The following DGKZ variants were observed in gnomAD, a reference collection of about 807,000 sequenced individuals.
The protein encoded by DGKZ is diacylglycerol kinase zeta.
DGKZ carries 45 observed loss-of-function variants against 142.5 expected under a neutral mutation model. The ratio of observed to expected loss-of-function variants is 0.32; its 90% CI spans 0.25 to 0.40. DGKZ has a LOEUF of 0.40. DGKZ is among the 10% of genes least tolerant of loss of function. The pLI, the probability that DGKZ is intolerant of heterozygous loss-of-function variation, is 1.00. For synonymous variants in DGKZ, 442 were observed against 527.0 expected, an observed-to-expected ratio of 0.84 and a Z score of 2.21; for missense variants, 755 against 1,306.5, an observed-to-expected ratio of 0.58 and a Z score of 6.51.
intron 1 of DGKZ, chr11:46,361,558 G>C (rs1942653764): frequency 1.1e-6 from 1 of 869,836 alleles, no homozygotes; most frequent in African/African-American, 1.8e-5. Flanking sequence ...CAGGGAGGAG[G>C]GTGACAAGGG....
At position 46,373,109 on chromosome 11, in the gene DGKZ, G is replaced by T; in HGVS notation, c.1326+8G>T. ...GAAGGCGCCACCGACCGGGTAAGTT[G>T]GCCAGGGTTGGTGGGGGGCAGGGCA... is the stretch of plus-strand genomic sequence containing the variant. On this transcript the variant is annotated splice_region_variant and intron_variant, in intron 14 of 30. Transcript: ENST00000527911. 1 of 1,541,572 alleles carries T rather than the reference G, an allele frequency of 6.5e-7. No homozygotes were observed. Among genetic ancestry groups the T allele is most frequent in the Non-Finnish European group, 8.7e-7 (1 of 1,143,914 alleles).
At position 46,347,763 on chromosome 11, in the gene DGKZ, A is replaced by G. The variant is rs1312121640; in HGVS notation, c.104A>G (p.Lys35Arg). Residue 35 changes from lysine to arginine, a missense_variant, in exon 1 of 31, where the codon AAG becomes AGG. Physicochemically the swap from Lys to Arg is conservative, Grantham distance 26 (BLOSUM62 2). This residue lies in a region of DGKZ where 28 missense variants were observed against 92.8 expected (regional missense o/e 0.30). Transcript: ENST00000527911. The surrounding 1 kb of genome is among the most constrained non-coding windows in gnomAD (Gnocchi z 6.4). ...CGCGACGCCGGTCCCGAGCCGGACA[A>G]GGCGCCGCGGCGACTCAACAAGCGG... The G allele has an allele frequency of 4.9e-6, 7 of 1,426,722 alleles. No individual in the cohort carries two copies. Among genetic ancestry groups the G allele is most frequent in the Non-Finnish European group, 5.5e-6 (6 of 1,092,166 alleles). The allele number at this position is 1,426,722 out of a possible 1,614,324, so 88.4% of individuals were successfully genotyped here.
chr11:46,340,480 G>T (rs1182757416), intron 1 of DGKZ, among the ~76,000 whole-genome samples: 1 of 152,190 alleles, frequency 6.6e-6, no homozygotes, highest in Non-Finnish European at 1.5e-5. Flanking sequence ...AGGAAATTGG[G>T]AGGTGCCAAA....
chr11:46,376,798 G>T, intron 24 of DGKZ: 3 of 671,858 alleles, frequency 4.5e-6, no homozygotes, highest in Non-Finnish European at 7.5e-6. Context: ...GGCTTGCTGG[G>T]TGGGTAGGAG....
chr11:46,359,605 ATTTATTTATT>A (rs1461128806), intron 1 of DGKZ, among the ~76,000 whole-genome samples: 199 of 151,410 alleles, frequency 1.3e-3, no homozygotes, highest in African/African-American at 4.6e-3. Context: ...ATTTATTTAT[ATTTATTTATT>A]TATTTTGAGA....
Position 46,367,489 on chromosome 11 carries a change from G to T in DGKZ, c.270+90G>T. The stretch of plus-strand genomic sequence containing the variant: ...GTGGAGGCACTAAAGGCAGCTGGGA[G>T]AGCCAAGCCTGGAAGGGTTGGGACA... On this transcript the variant is annotated intron_variant, in intron 2 of 30. Transcript: ENST00000527911. The surrounding 1 kb of genome is among the most constrained non-coding windows in gnomAD (Gnocchi z 4.1). 1 of 1,454,104 alleles carries T rather than the reference G, an allele frequency of 6.9e-7. No individual in the cohort carries two copies. The highest frequency in any genetic ancestry group is 2.4e-5 in the East Asian group (1 of 41,606). 90.1% of individuals were successfully genotyped at this position (1,454,104 alleles called of 1,614,324 possible).
At chr11:46,379,618 C>A in intron 30 of DGKZ, 50 bp downstream of exon 30, 4 of 1,515,400 alleles carry the variant, frequency 2.6e-6, no homozygotes, top group Non-Finnish European at 3.6e-6. Context: ...CCAAACCTTT[C>A]CCAAGGTCCT....
intron 29 of DGKZ, 58 bp from the exon 30 acceptor site, chr11:46,379,411 G>A (rs1384409429): frequency 1.3e-6 from 2 of 1,588,676 alleles, no homozygotes; most frequent in African/African-American, 2.7e-5. Context: ...GCCCTTGGGA[G>A]ACAGATGGGT....
At chr11:46,376,539 G>A (rs905184955) in exon 24 of DGKZ, 2 of 1,613,800 alleles carry the variant, frequency 1.2e-6, no homozygotes, top group Non-Finnish European at 1.7e-6. Context: ...ACTGCCAGCC[G>A]CTTCTACAGG....
chr11:46,365,821 G>T, intron 1 of DGKZ: 1 of 985,446 alleles, frequency 1.0e-6, no homozygotes, highest in Non-Finnish European at 1.2e-6. Flanking sequence ...CATCCAGGCA[G>T]ACCGACTCCC....
intron 1 of DGKZ, among the ~76,000 whole-genome samples, chr11:46,358,780 C>A (rs940296547): frequency 6.6e-6 from 1 of 152,212 alleles, no homozygotes; most frequent in Non-Finnish European, 1.5e-5. Context: ...TAGAGCCTGA[C>A]GGCTTCCTCA....
intron 1 of DGKZ, among the ~76,000 whole-genome samples, chr11:46,353,607 G>A (rs753900742): frequency 2.0e-5 from 3 of 152,216 alleles, no homozygotes; most frequent in Non-Finnish European, 4.4e-5. Context: ...GGCGCAGGGA[G>A]TCTAAAGCCC....
In DGKZ at chr11:46,367,204, C is replaced by T. The variant is rs1002754523; in HGVS notation, c.162-87C>T. Reference sequence around the variant, plus strand: ...CCTCCGCCCTCCCTGTTGCCGAGGTCACGGAAAGGGCAGAGGCCCCAGGAG... The same window carrying T: ...CCTCCGCCCTCCCTGTTGCCGAGGTTACGGAAAGGGCAGAGGCCCCAGGAG... On this transcript the variant is annotated intron_variant, in intron 1 of 30. Transcript: ENST00000527911. This position sits in a 1 kb window ranked among gnomAD's most constrained non-coding sequence, Gnocchi z 4.1. 8.1e-6 allele frequency: 11 copies of T among 1,363,962 alleles called. No individual in the cohort carries two copies. In the East Asian group the frequency reaches 2.7e-4, roughly 34 times the overall value. 84.5% of individuals were successfully genotyped at this position (1,363,962 alleles called of 1,614,324 possible). A position where few individuals can be genotyped will look rare whatever the true frequency, so the allele number is the denominator to read the frequency against.
At chr11:46,334,331 T>G (rs1939906497) in intron 1 of DGKZ, among the ~76,000 whole-genome samples, 1 of 152,124 alleles carries the variant, frequency 6.6e-6, no homozygotes, top group Non-Finnish European at 1.5e-5. Context: ...TGGCCCAGAG[T>G]GACCTCCCCT....
rs750550691 is a variant in DGKZ at position 46,366,481 on chromosome 11, C to T, written c.162-810C>T. On this transcript the variant is annotated intron_variant, in intron 1 of 30. Transcript: ENST00000527911. ...CCCAGGGTTCCAGCCGCCGGCGCTC[C>T]AGCACTGTGCCCCCTTCCTGCAACC... 16 of 1,574,416 alleles carry T rather than the reference C, an allele frequency of 1.0e-5. No individual in the cohort carries two copies. In the African/African-American group the frequency reaches 2.2e-4, roughly 21 times the overall value.
At chr11:46,346,799 G>T (rs1178666763), upstream of DGKZ, among the ~76,000 whole-genome samples, 1 of 152,200 alleles carries the variant, frequency 6.6e-6, no homozygotes, top group Non-Finnish European at 1.5e-5. Flanking sequence ...AAAATGCGAT[G>T]TGTTGGGCCT....
rs1167546938 is a variant in DGKZ at position 46,367,360 on chromosome 11, C to T, written c.231C>T (p.Ser77=). 5 of 1,613,066 alleles carry T rather than the reference C, an allele frequency of 3.1e-6. No individual in the cohort carries two copies. Among genetic ancestry groups the T allele is most frequent in the African/African-American group, 1.3e-5 (1 of 74,916 alleles). ...CGCCCACCCCTGGGGCCCCGTGCAG[C>T]GAGTCAGAGCGGCAGATCCGGAGTA... is the stretch of plus-strand genomic sequence containing the variant. Residue 77 remains serine (S), a synonymous_variant, in exon 2 of 31, where the codon AGC becomes AGT. Transcript: ENST00000527911. The surrounding 1 kb of genome is among the most constrained non-coding windows in gnomAD (Gnocchi z 4.1).
At chr11:46,340,766 G>A (rs1472548492) in intron 1 of DGKZ, among the ~76,000 whole-genome samples, 1 of 152,230 alleles carries the variant, frequency 6.6e-6, no homozygotes, top group Non-Finnish European at 1.5e-5. Context: ...TGATCAGCAG[G>A]TGATCCCAGG....
At chr11:46,376,332 C>A (rs1258259970) in exon 23 of DGKZ, 1 of 1,614,046 alleles carries the variant, frequency 6.2e-7, no homozygotes, top group Admixed American at 1.7e-5. Flanking sequence ...CAACAGGAGC[C>A]CGATGGTGCT....
Sources: allele counts gnomAD v4.1 joint callset (sites outside exome capture counted in the v4.1 genomes callset), GRCh38; gene constraint gnomAD v4.1.1; regional missense constraint gnomAD v4.1.1; non-coding constraint Gnocchi (gnomAD v3.1); transcripts MANE v1.5; gene names NCBI Gene and HGNC (gene_info 2026-07-23, HGNC 2026-07-21).